CSMD1: variants seen among roughly 807,000 people sequenced by gnomAD.
CSMD1 encodes the protein CUB and sushi domain-containing protein 1.
A neutral mutation model predicts 417.5 loss-of-function variants in CSMD1; 213 were observed. The observed-to-expected ratio is 0.51, with a 90% CI of 0.46 to 0.57. The LOEUF (loss-of-function observed/expected upper bound fraction) is 0.57. Among genes scored for constraint, CSMD1 ranks in the 20% least tolerant of loss-of-function variants. The probability of loss-of-function intolerance (pLI) is 0.00; values close to 1 mark genes in which losing one functional copy is unlikely to be tolerated. For missense variants in CSMD1, 6,923 were observed against 4,529.7 expected (o/e 1.53, Z -15.17); for synonymous variants, 2,862 against 1,736.8 (o/e 1.65, Z -16.11).
chr8:3,019,442 A>C (rs1056282067), intron 51 of CSMD1, among the ~76,000 whole-genome samples: 2 of 152,226 alleles, frequency 1.3e-5, no homozygotes, highest in African/African-American at 4.8e-5. Context: ...ACCAAAGCCC[A>C]TCAGCTGGGA....
chr8:4,725,110 C>T (rs576669746), intron 1 of CSMD1, among the ~76,000 whole-genome samples: 2 of 152,070 alleles, frequency 1.3e-5, no homozygotes, highest in Admixed American at 6.6e-5. Context: ...TAAATGTATC[C>T]TGAAAGGTAT....
At chr8:3,893,002 G>C (rs1214429043) in intron 5 of CSMD1, among the ~76,000 whole-genome samples, 1 of 151,754 alleles carries the variant, frequency 6.6e-6, no homozygotes, top group Non-Finnish European at 1.5e-5. Flanking sequence ...TCATGGTTCA[G>C]TTTTCACACT....
At chr8:3,063,996 T>C (rs1473538347) in intron 49 of CSMD1, among the ~76,000 whole-genome samples, 1 of 152,156 alleles carries the variant, frequency 6.6e-6, no homozygotes, top group Non-Finnish European at 1.5e-5. Context: ...TGCACGGTCA[T>C]TAGGATAAAG....
chr8:3,425,409 G>A (rs1030028010), intron 12 of CSMD1, among the ~76,000 whole-genome samples: 2 of 151,902 alleles, frequency 1.3e-5, no homozygotes, highest in African/African-American at 4.8e-5. Context: ...CCAACATGGT[G>A]AAACCCTGTC....
At chr8:3,629,562 G>C (rs1272749305) in intron 7 of CSMD1, among the ~76,000 whole-genome samples, 5 of 152,092 alleles carry the variant, frequency 3.3e-5, no homozygotes, top group African/African-American at 4.8e-5. Context: ...AAACAGTTTA[G>C]ACTAAATTAT....
chr8:4,937,724 T>A (rs934715378), intron 1 of CSMD1, among the ~76,000 whole-genome samples: 2 of 152,110 alleles, frequency 1.3e-5, no homozygotes, highest in African/African-American at 4.8e-5. Context: ...ACTTTACGCC[T>A]GAGCAGAGTA....
chr8:4,715,395 G>A (rs779617282), intron 1 of CSMD1, among the ~76,000 whole-genome samples: 2 of 152,130 alleles, frequency 1.3e-5, no homozygotes, highest in African/African-American at 2.4e-5. Flanking sequence ...ATATAAACAT[G>A]TAAAACAGAT....
At position 4,826,843 on chromosome 8, in the gene CSMD1, T is replaced by C. The variant is rs540183073; in HGVS notation, c.85+167489A>G. On this transcript the variant is annotated intron_variant, in intron 1 of 69. Transcript: ENST00000635120. ...TTACGACTCTATAACATTTATGTTA[T>C]TAGTGCCAGCTGACGGATAAGAAAA... is the stretch of plus-strand genomic sequence containing the variant. 3.3e-5 allele frequency among the ~76,000 whole-genome samples: 5 copies of C among 152,286 alleles called. No individual in the cohort carries two copies. The South Asian group carries it at 1.0e-3, about 32-fold the overall frequency.
In CSMD1 at chr8:4,191,548, C is replaced by A. The variant is rs185051604; in HGVS notation, c.416-159449G>T. The stretch of plus-strand genomic sequence containing the variant: ...TAAAACATGTGTCTCATCTGAACTA[C>A]AACTGAAAATGCTTGTACTTCATCC... On this transcript the variant is annotated intron_variant, in intron 3 of 69. Transcript: ENST00000635120. Among the ~76,000 whole-genome samples the A allele has an allele frequency of 1.8e-3, 273 of 152,258 alleles. 1 individual carries two copies. Among genetic ancestry groups the A allele is most frequent in the African/African-American group, 6.4e-3 (266 of 41,540 alleles).
chr8:3,000,195 C>T (rs1021959682), intron 52 of CSMD1, 64 bp from the exon 53 acceptor site: 26 of 1,223,812 alleles, frequency 2.1e-5, no homozygotes, highest in Middle Eastern at 2.0e-4. Context: ...AGTACATTCA[C>T]AACTTTTATT....
chr8:2,946,946 G>C (rs1276324851), intron 68 of CSMD1, among the ~76,000 whole-genome samples: 1 of 152,076 alleles, frequency 6.6e-6, no homozygotes, highest in East Asian at 1.9e-4. Context: ...ATCCCAGTGT[G>C]GTTTTGATTT....
chr8:3,139,102 G>A (rs562342045), intron 41 of CSMD1, among the ~76,000 whole-genome samples: 323 of 152,260 alleles, frequency 2.1e-3, no homozygotes, highest in Non-Finnish European at 2.8e-3. Flanking sequence ...GCAAAACTGC[G>A]AGCTCAGCTT....
chr8:3,854,551 G>C (rs1804157105), intron 5 of CSMD1, among the ~76,000 whole-genome samples: 2 of 152,000 alleles, frequency 1.3e-5, no homozygotes, highest in African/African-American at 4.8e-5. Context: ...TTTCATTTCT[G>C]CTTACTTAGC....
intron 2 of CSMD1, among the ~76,000 whole-genome samples, chr8:4,545,585 A>C (rs575181582): frequency 2.0e-5 from 3 of 152,310 alleles, no homozygotes; most frequent in African/African-American, 7.2e-5. Flanking sequence ...TCACAGTGAT[A>C]CTGGCAACAG....
intron 36 of CSMD1, among the ~76,000 whole-genome samples, chr8:3,181,760 T>C (rs906183679): frequency 1.3e-5 from 2 of 152,198 alleles, no homozygotes; most frequent in Non-Finnish European, 1.5e-5. Context: ...TATATAGGGC[T>C]ATTTTGACAT....
At chr8:3,843,065 A>C (rs1303671883) in intron 5 of CSMD1, among the ~76,000 whole-genome samples, 1 of 152,156 alleles carries the variant, frequency 6.6e-6, no homozygotes, top group African/African-American at 2.4e-5. Flanking sequence ...TGTTGTAATG[A>C]GTTTCTATTT....
intron 3 of CSMD1, among the ~76,000 whole-genome samples, chr8:4,380,706 T>G (rs932807787): frequency 6.6e-6 from 1 of 152,178 alleles, no homozygotes; most frequent in South Asian, 2.1e-4. Flanking sequence ...TAACAGAGGA[T>G]TGTGGATGTT....
Position 3,387,696 on chromosome 8 carries a change from A to G in CSMD1, c.2594-14T>C. On this transcript the variant is annotated splice_polypyrimidine_tract_variant and intron_variant, in intron 17 of 69. Coordinates refer to ENST00000635120, the MANE Select transcript of CSMD1 (RefSeq NM_033225.6). ...CAAGCGTCACACCTGGATGCACAGA[A>G]CGAATGCAGTCGATGAGGATCTTTC... 6.3e-7 allele frequency: 1 copy of G among 1,582,438 alleles called. No homozygotes were observed. The highest frequency in any genetic ancestry group is 8.6e-7 in the Non-Finnish European group (1 of 1,163,262).
At chr8:3,799,602 C>G (rs554694109) in intron 5 of CSMD1, among the ~76,000 whole-genome samples, 2 of 151,944 alleles carry the variant, frequency 1.3e-5, no homozygotes, top group Admixed American at 6.6e-5. Context: ...TTCATTGGTA[C>G]AGTAAAGAAA....
Sources: gnomAD v4.1 joint callset for allele counts (sites outside exome capture counted in the v4.1 genomes callset) on GRCh38, gnomAD v4.1.1 for gene constraint, MANE v1.5 for transcripts, NCBI Gene and HGNC (gene_info 2026-07-23, HGNC 2026-07-21) for gene names.